The following LRBA variants were observed in gnomAD, a reference collection of about 807,000 sequenced individuals.
LRBA encodes the protein LPS responsive beige-like anchor protein.
LRBA carries 176 observed loss-of-function variants against 330.0 expected under a neutral mutation model. The ratio of observed to expected loss-of-function variants is 0.53; its 90% CI spans 0.47 to 0.60. The LOEUF (loss-of-function observed/expected upper bound fraction) is 0.60, where lower values mean the gene tolerates loss of function less well. Ranked by LOEUF, LRBA falls within the 20% of genes least tolerant of loss-of-function variation. The pLI, the probability that LRBA is intolerant of heterozygous loss-of-function variation, is 0.00. For synonymous variants in LRBA, 1,230 were observed against 1,193.0 expected (o/e 1.03, Z -0.64); for missense variants, 3,259 against 3,444.8 (o/e 0.95, Z 1.35).
At position 150,907,223 on chromosome 4, in the gene LRBA, G is replaced by A. The variant is rs1254119146; in HGVS notation, c.1494-818C>T. Among the ~76,000 whole-genome samples the A allele has an allele frequency of 5.3e-5, 6 of 113,972 alleles. No homozygotes were observed. In the South Asian group the frequency reaches 1.6e-3, roughly 30 times the overall value. 74.8% of individuals were successfully genotyped at this position (113,972 alleles called of 152,430 possible). ...CTTTCACTGCCAGCAATTTCAATAC[G>A]GGGGGAGGGGGGAGGGAGAGGGAGA... On this transcript the variant is annotated intron_variant, in intron 11 of 56. Transcript: ENST00000651943.
chr4:151,002,051 C>T (rs1386053148), intron 2 of LRBA, among the ~76,000 whole-genome samples: 1 of 151,884 alleles, frequency 6.6e-6, no homozygotes, highest in African/African-American at 2.4e-5. Context: ...AGAATCAAAG[C>T]CAATGCACTC....
intron 37 of LRBA, among the ~76,000 whole-genome samples, chr4:150,639,844 T>G (rs1181516575): frequency 1.6e-5 from 1 of 64,044 alleles, no homozygotes; most frequent in Non-Finnish European, 2.9e-5. Context: ...TATATATATA[T>G]ATATATATAT....
At chr4:150,509,617 GTTTTGTTTTGT>G (rs1350735497) in intron 40 of LRBA, among the ~76,000 whole-genome samples, 2 of 150,662 alleles carry the variant, frequency 1.3e-5, no homozygotes, top group African/African-American at 4.9e-5. Flanking sequence ...CTGTTTTTGT[GTTTTGTTTTGT>G]TTTTTTAAAA....
At chr4:150,712,886 CA>C (rs1485867906) in intron 36 of LRBA, among the ~76,000 whole-genome samples, 1 of 152,126 alleles carries the variant, frequency 6.6e-6, no homozygotes, top group Non-Finnish European at 1.5e-5. Context: ...CAAAAACACA[CA>C]GAAACATTAT....
At chr4:150,791,983 C>A (rs528342299) in intron 34 of LRBA, among the ~76,000 whole-genome samples, 7 of 138,306 alleles carry the variant, frequency 5.1e-5, no homozygotes, top group African/African-American at 1.6e-4. Flanking sequence ...GAGCAGAAAT[C>A]GCGCCACTGC....
At chr4:150,729,501 T>C (rs1218073207) in intron 36 of LRBA, among the ~76,000 whole-genome samples, 1 of 151,970 alleles carries the variant, frequency 6.6e-6, no homozygotes, top group Non-Finnish European at 1.5e-5. Flanking sequence ...TTGAAGAGAA[T>C]ATAAAAAAAT....
chr4:150,894,839 A>G (rs1451787495), intron 16 of LRBA, among the ~76,000 whole-genome samples: 2 of 152,232 alleles, frequency 1.3e-5, no homozygotes, highest in Non-Finnish European at 2.9e-5. Flanking sequence ...ATAGATCACT[A>G]TGAAATTCAC....
At chr4:150,915,790 C>T (rs1732521457) in intron 7 of LRBA, 63 bp from the exon 8 acceptor site, 6 of 1,311,950 alleles carry the variant, frequency 4.6e-6, no homozygotes, top group African/African-American at 4.5e-5. Flanking sequence ...CGCAACCATA[C>T]TGATGAGTAA....
intron 38 of LRBA, among the ~76,000 whole-genome samples, chr4:150,597,998 G>A (rs193202001): frequency 3.6e-3 from 541 of 152,156 alleles, no homozygotes; most frequent in Non-Finnish European, 5.8e-3. Context: ...GGCTCTTTAA[G>A]GCTGAGTGCA....
chr4:150,482,819 A>G (rs533672139), intron 42 of LRBA, among the ~76,000 whole-genome samples: 1 of 152,132 alleles, frequency 6.6e-6, no homozygotes, highest in East Asian at 1.9e-4. Context: ...CGGTATCTAT[A>G]TCTATTCTTT....
chr4:150,566,060 T>C (rs1769086762), intron 40 of LRBA, among the ~76,000 whole-genome samples: 1 of 91,248 alleles, frequency 1.1e-5, no homozygotes, highest in African/African-American at 2.9e-5. Flanking sequence ...AGATCCTGTC[T>C]CTACAAAAAA....
intron 2 of LRBA, among the ~76,000 whole-genome samples, chr4:150,953,700 C>A (rs1737132068): frequency 6.6e-6 from 1 of 151,872 alleles, no homozygotes; most frequent in South Asian, 2.1e-4. Context: ...GTGGTGTGAT[C>A]TCGGCTCACT....
chr4:150,417,285 T>G (rs1747912553), intron 46 of LRBA, among the ~76,000 whole-genome samples: 1 of 152,114 alleles, frequency 6.6e-6, no homozygotes, highest in African/African-American at 2.4e-5. Context: ...GTAATGTGAT[T>G]TATCCCAATA....
chr4:150,436,186 T>C (rs1751084472), intron 45 of LRBA, among the ~76,000 whole-genome samples: 1 of 152,226 alleles, frequency 6.6e-6, no homozygotes, highest in Non-Finnish European at 1.5e-5. Context: ...AAATTACTTC[T>C]AGGATTTATG....
intron 38 of LRBA, among the ~76,000 whole-genome samples, chr4:150,592,382 T>C (rs1299562462): frequency 1.3e-5 from 2 of 151,754 alleles, no homozygotes; most frequent in Non-Finnish European, 2.9e-5. Context: ...GTTTTTTTTT[T>C]CTCATATTTA....
Position 150,854,996 on chromosome 4 carries a change from G to A in LRBA, c.2767-2053C>T, listed in dbSNP as rs139961736. Among the ~76,000 whole-genome samples, 1,157 of 152,184 alleles carry A rather than the reference G, an allele frequency of 7.6e-3. 12 individuals carry two copies. Among genetic ancestry groups the A allele is most frequent in the African/African-American group, 0.027 (1,103 of 41,512 alleles). On this transcript the variant is annotated intron_variant, in intron 22 of 56. Transcript: ENST00000651943. Reference sequence around the variant, plus strand: ...TCAGTGGCTGGGCACGGTGGCTCACGCCTGTAATCCCAGCACTTTAGGAGT... The same window carrying A: ...TCAGTGGCTGGGCACGGTGGCTCACACCTGTAATCCCAGCACTTTAGGAGT...
intron 40 of LRBA, among the ~76,000 whole-genome samples, chr4:150,517,837 C>A (rs1483667171): frequency 6.6e-6 from 1 of 152,156 alleles, no homozygotes; most frequent in African/African-American, 2.4e-5. Context: ...CAGACAGTAC[C>A]AAACTCAATT....
At chr4:150,840,052 A>T (rs1215447290) in intron 28 of LRBA, among the ~76,000 whole-genome samples, 1 of 152,186 alleles carries the variant, frequency 6.6e-6, no homozygotes, top group African/African-American at 2.4e-5. Flanking sequence ...TGGTAGCTTC[A>T]CTTTTCTTCT....
At chr4:150,515,034 A>G (rs1762196242) in intron 40 of LRBA, among the ~76,000 whole-genome samples, 1 of 152,342 alleles carries the variant, frequency 6.6e-6, no homozygotes, top group Middle Eastern at 3.4e-3. Flanking sequence ...AGGAAGCTCC[A>G]TAATTCATTT....
Sources: allele counts gnomAD v4.1 joint callset (sites outside exome capture counted in the v4.1 genomes callset), GRCh38; gene constraint gnomAD v4.1.1; transcripts MANE v1.5; gene names NCBI Gene and HGNC (gene_info 2026-07-23, HGNC 2026-07-21).